The following REPS1 variants were observed in gnomAD, a reference collection of about 807,000 sequenced individuals.
REPS1 encodes RALBP1 associated Eps domain containing 1.
Under a neutral mutation model 100.9 loss-of-function variants are expected in REPS1, and 39 were observed. The observed-to-expected ratio is 0.39, with a 90% CI of 0.30 to 0.50. The LOEUF is 0.50. REPS1 is among the 20% of genes least tolerant of loss of function. REPS1 has a pLI of 0.86. For missense variants in REPS1, 821 were observed against 968.5 expected (o/e 0.85, Z 2.02); for synonymous variants, 324 against 340.3 (o/e 0.95, Z 0.53).
At chr6:138,953,229 T>C (rs956471569) in intron 1 of REPS1, among the ~76,000 whole-genome samples, 1 of 152,020 alleles carries the variant, frequency 6.6e-6, no homozygotes, top group African/African-American at 2.4e-5. Context: ...GCACCCAAAA[T>C]AATAAAACTA....
At chr6:138,925,015 A>G (rs1781008402) in intron 10 of REPS1, among the ~76,000 whole-genome samples, 1 of 152,220 alleles carries the variant, frequency 6.6e-6, no homozygotes, top group East Asian at 1.9e-4. Flanking sequence ...TAAATGTAAC[A>G]GCAGCCTCTA....
intron 1 of REPS1, among the ~76,000 whole-genome samples, chr6:138,967,356 GAT>G (rs1784081089): frequency 6.6e-6 from 1 of 152,092 alleles, no homozygotes; most frequent in Non-Finnish European, 1.5e-5. Context: ...ACATAGATTA[GAT>G]ATGTGACTCC....
chr6:138,939,024 T>C lies in REPS1; in HGVS notation c.1135+2311A>G, dbSNP rs187056719. On this transcript the variant is annotated intron_variant, in intron 8 of 19. Transcript: ENST00000450536. ...CACCACACCCTGCTAATTTTTTTTA[T>C]AATGATTTTTATGGATACTGACGGA... Among the ~76,000 whole-genome samples, 392 of 152,114 alleles carry C rather than the reference T, an allele frequency of 2.6e-3. 1 individual carries two copies. Among genetic ancestry groups the C allele is most frequent in the Non-Finnish European group, 3.6e-3 (244 of 68,008 alleles).
intron 9 of REPS1, chr6:138,929,362 TA>T (rs1414658867): frequency 6.6e-6 from 1 of 152,198 alleles, no homozygotes; most frequent in East Asian, 1.9e-4. Context: ...GAATTTCAAA[TA>T]AATTGGGGAA....
At chr6:138,964,717 A>T (rs1783919690) in intron 1 of REPS1, among the ~76,000 whole-genome samples, 1 of 152,032 alleles carries the variant, frequency 6.6e-6, no homozygotes, top group African/African-American at 2.4e-5. Context: ...ATATAAAAAC[A>T]GTATATTTCT....
chr6:138,909,045 A>G (rs952473825), intron 17 of REPS1: 5 of 486,122 alleles, frequency 1.0e-5, no homozygotes, highest in Non-Finnish European at 1.8e-5. Flanking sequence ...AAGTATTTTT[A>G]GAGCAACATA....
chr6:138,905,474 G>C (rs1267805361), intron 19 of REPS1, among the ~76,000 whole-genome samples: 2 of 146,284 alleles, frequency 1.4e-5, no homozygotes, highest in African/African-American at 5.0e-5. Flanking sequence ...TGTATTTTTA[G>C]TAGAGACGGG....
chr6:138,945,223 T>C lies in REPS1; in HGVS notation c.624A>G (p.Gln208=), dbSNP rs755759054. ...AATCAATCAATCTCTAAATACCTGA[T>C]TGTGCTTCACCAAAGGGAGACCAAA... ...GPFWSPFGEA[Q]SGSSAGDAVW... Residue 208 remains glutamine, a synonymous_variant, in exon 4 of 20, where the codon CAA becomes CAG. Transcript: ENST00000450536. The C allele has an allele frequency of 1.2e-5, 20 of 1,605,632 alleles. No individual in the cohort carries two copies. In the Middle Eastern group the frequency reaches 6.8e-4, roughly 54 times the overall value.
At chr6:138,955,652 C>A (rs745868034) in intron 1 of REPS1, among the ~76,000 whole-genome samples, 1 of 151,906 alleles carries the variant, frequency 6.6e-6, no homozygotes, top group Non-Finnish European at 1.5e-5. Flanking sequence ...GTACTGACTT[C>A]TTTTCTAAAT....
chr6:138,907,703 G>A (rs1018506462), intron 18 of REPS1, 103 bp from the exon 19 acceptor site: 23 of 736,868 alleles, frequency 3.1e-5, no homozygotes, highest in Non-Finnish European at 4.4e-5. Flanking sequence ...AGCAAAAAGA[G>A]CATCTTTTTC....
At chr6:138,934,421 GA>G in intron 8 of REPS1, 1 of 451,872 alleles carries the variant, frequency 2.2e-6, no homozygotes, top group Non-Finnish European at 4.7e-6. Context: ...AAGTGTGTCT[GA>G]AAGAGACAAC....
chr6:138,968,336 AG>A (rs1784128709), intron 1 of REPS1, among the ~76,000 whole-genome samples: 1 of 152,256 alleles, frequency 6.6e-6, no homozygotes, highest in South Asian at 2.1e-4. Flanking sequence ...GTGGTGTGTC[AG>A]TACTTCTTTA....
Position 138,945,561 on chromosome 6 carries a change from T to C in REPS1, c.414A>G (p.Gln138=). 6.2e-7 allele frequency: 1 copy of C among 1,613,070 alleles called. No homozygotes were observed. Among genetic ancestry groups the C allele is most frequent in the Non-Finnish European group, 8.5e-7 (1 of 1,179,704 alleles). The part of the protein sequence containing the change: ...GVIPPPPGRG[Q]VKKGSVSHDT... ...CATGGCTTACGGATCCCTTTTTCAC[T>C]TGCCCCCTGCCAGGTGGTGGGGGAA... Residue 138 remains glutamine (Q), a synonymous_variant, in exon 3 of 20, where the codon CAA becomes CAG. Transcript: ENST00000450536.
chr6:138,916,601 A>G (rs752091252), intron 13 of REPS1, among the ~76,000 whole-genome samples: 69 of 152,158 alleles, frequency 4.5e-4, no homozygotes, highest in Non-Finnish European at 8.7e-4. Flanking sequence ...ATTAAAAGTA[A>G]TAATAGTCTG....
intron 1 of REPS1, among the ~76,000 whole-genome samples, chr6:138,969,958 T>C (rs1784244252): frequency 6.8e-6 from 1 of 146,796 alleles, no homozygotes; most frequent in Admixed American, 7.0e-5. Context: ...GGCAATCCTA[T>C]TCGGGGTGCC....
chr6:138,986,589 T>C (rs1021658178), intron 1 of REPS1, among the ~76,000 whole-genome samples: 4 of 152,204 alleles, frequency 2.6e-5, no homozygotes, highest in African/African-American at 7.2e-5. Context: ...CACCTATACA[T>C]GTGGCTTTAA....
chr6:138,914,263 G>A (rs1286878793), intron 15 of REPS1, among the ~76,000 whole-genome samples: 1 of 152,014 alleles, frequency 6.6e-6, no homozygotes, highest in African/African-American at 2.4e-5. Flanking sequence ...TTAGAGATGG[G>A]GGTCTCACTA....
At position 138,920,140 on chromosome 6, in the gene REPS1, A is replaced by G. The variant is rs546777480; in HGVS notation, c.1528+75T>C. 10 of 805,262 alleles carry G rather than the reference A, an allele frequency of 1.2e-5. No individual in the cohort carries two copies. The South Asian group carries it at 1.5e-4, about 12-fold the overall frequency. The allele number at this position is 805,262 out of a possible 1,614,324, so 49.9% of individuals were successfully genotyped here. A position where few individuals can be genotyped will look rare whatever the true frequency, so the allele number is the denominator to read the frequency against. Reference sequence around the variant, plus strand: ...ATCTAGTGAAGACGGTATTAAATGCATACACATCTGAAATAGTCAGACTCT... The same window carrying G: ...ATCTAGTGAAGACGGTATTAAATGCGTACACATCTGAAATAGTCAGACTCT... On this transcript the variant is annotated intron_variant, in intron 12 of 19. Transcript: ENST00000450536.
At chr6:138,921,681 G>A (rs1780773712) in intron 10 of REPS1, among the ~76,000 whole-genome samples, 1 of 144,756 alleles carries the variant, frequency 6.9e-6, no homozygotes, top group South Asian at 2.3e-4. Flanking sequence ...AGGTACAAGT[G>A]ATTCTCCTGC....
Sources: gnomAD v4.1 joint callset for allele counts (sites outside exome capture counted in the v4.1 genomes callset) on GRCh38, gnomAD v4.1.1 for gene constraint, MANE v1.5 for transcripts, NCBI Gene and HGNC (gene_info 2026-07-23, HGNC 2026-07-21) for gene names.